The following HTR4 variants were observed in gnomAD, a reference collection of about 807,000 sequenced individuals.
HTR4 encodes 5-hydroxytryptamine receptor 4.
A neutral mutation model predicts 36.8 loss-of-function variants in HTR4; 16 were observed. That is an observed-to-expected ratio of 0.43 (90% confidence interval 0.29 to 0.66). The LOEUF is 0.66. Ranked by LOEUF, HTR4 falls within the 30% of genes least tolerant of loss-of-function variation. The pLI, the probability that HTR4 is intolerant of heterozygous loss-of-function variation, is 0.13. For missense variants in HTR4, 438 were observed against 490.9 expected (o/e 0.89, Z 1.02); for synonymous variants, 189 against 185.1 (o/e 1.02, Z -0.17).
chr5:148,451,138 C>A (rs1444322647), exon 6 of HTR4: 1 of 1,612,054 alleles, frequency 6.2e-7, no homozygotes, highest in East Asian at 2.2e-5. Flanking sequence ...CCTGTTCATG[C>A]AAACATGAAT....
At position 148,483,247 on chromosome 5, in the gene HTR4, G is replaced by A. The variant is rs1305061876; in HGVS notation, c.1123C>T (p.Pro375Ser). 7 of 1,614,004 alleles carry A rather than the reference G, an allele frequency of 4.3e-6. No homozygotes were observed. The highest frequency in any genetic ancestry group is 4.2e-6 in the Non-Finnish European group (5 of 1,179,958). ...GCAGCCACCAAAGGAGAAGTTGCTG[G>A]CGGGTGACACTGACTCTCCCACTGG... ...GGQWESQCHP[P>S]ATSPLVAAQP... Residue 375 changes from proline (P) to serine (S), a missense_variant, in exon 7 of 7, where the codon CCA (proline) becomes TCA (serine). Physicochemically the swap from Pro to Ser is moderately conservative, Grantham distance 74. Coordinates refer to ENST00000377888, the MANE Select transcript of HTR4 (RefSeq NM_000870.7).
intron 6 of HTR4, among the ~76,000 whole-genome samples, chr5:148,495,580 C>T (rs1195631767): frequency 1.3e-5 from 2 of 152,098 alleles, no homozygotes; most frequent in Non-Finnish European, 2.9e-5. Context: ...TGGTATTTGT[C>T]CAATGGACAA....
chr5:148,496,099 CA>C (rs1581380523), intron 6 of HTR4, among the ~76,000 whole-genome samples: 1 of 151,990 alleles, frequency 6.6e-6, no homozygotes, highest in South Asian at 2.1e-4. Context: ...GACTCCGCCT[CA>C]AAAAAAATTT....
At chr5:148,458,373 A>T (rs116164438) in intron 5 of HTR4, among the ~76,000 whole-genome samples, 261 of 151,856 alleles carry the variant, frequency 1.7e-3, no homozygotes, top group Non-Finnish European at 2.9e-3. Flanking sequence ...TTGATTGCTT[A>T]CAACAGTCCA....
intron 2 of HTR4, among the ~76,000 whole-genome samples, chr5:148,628,233 G>A (rs1481326804): frequency 6.6e-6 from 1 of 152,206 alleles, no homozygotes; most frequent in Admixed American, 6.5e-5. Context: ...AAGTTCAAAG[G>A]ATAGGCTCTG....
chr5:148,631,198 G>A (rs1753308915), intron 2 of HTR4, among the ~76,000 whole-genome samples: 1 of 152,108 alleles, frequency 6.6e-6, no homozygotes, highest in South Asian at 2.1e-4. Context: ...CATATTCACT[G>A]TATTCCTGAT....
intron 4 of HTR4, among the ~76,000 whole-genome samples, chr5:148,524,595 T>A (rs1250880098): frequency 1.3e-5 from 2 of 152,204 alleles, no homozygotes; most frequent in Non-Finnish European, 2.9e-5. Context: ...ACCTCTTCCA[T>A]GCCCAGGCAT....
At chr5:148,481,493 A>T (rs1274679653), downstream of HTR4, 92 of 1,367,596 alleles carry the variant, frequency 6.7e-5, no homozygotes, top group Non-Finnish European at 9.0e-5. Context: ...CTAAAACATG[A>T]CTTTCTCCCC....
At chr5:148,601,604 C>A (rs978276102) in intron 2 of HTR4, among the ~76,000 whole-genome samples, 3 of 152,134 alleles carry the variant, frequency 2.0e-5, no homozygotes, top group African/African-American at 7.2e-5. Flanking sequence ...AGTTAGAGAC[C>A]AGCCTGGGCA....
chr5:148,604,241 A>G (rs1752044684), intron 2 of HTR4, among the ~76,000 whole-genome samples: 1 of 152,188 alleles, frequency 6.6e-6, no homozygotes, highest in Non-Finnish European at 1.5e-5. Flanking sequence ...GGGAGAATAT[A>G]TTTGCAACAT....
intron 2 of HTR4, among the ~76,000 whole-genome samples, chr5:148,565,108 TAA>T (rs75435936): frequency 0.23 from 28,872 of 124,562 alleles, 3,454 homozygotes; most frequent in African/African-American, 0.36. Context: ...AGACTCCATC[TAA>T]AAAAAAAAAA....
chr5:148,491,249 C>T lies in HTR4; in HGVS notation c.1077-7956G>A, dbSNP rs78686298. Among the ~76,000 whole-genome samples, 35 of 152,194 alleles carry T rather than the reference C, an allele frequency of 2.3e-4. No homozygotes were observed. In the East Asian group the frequency reaches 6.4e-3, roughly 28 times the overall value. On this transcript the variant is annotated intron_variant, in intron 6 of 6. Transcript: ENST00000377888. ...AAGGGCTTATCTGCAAGGTTACTGC[C>T]GGTACTCTAACCACAGAAGTTCAGG...
chr5:148,472,368 T>C (rs545408618), downstream of HTR4, among the ~76,000 whole-genome samples: 6 of 152,302 alleles, frequency 3.9e-5, no homozygotes, highest in African/African-American at 1.4e-4. Flanking sequence ...ATTCCTGAGA[T>C]GGTTAATTAG....
At chr5:148,546,503 G>A (rs1260106818) in intron 4 of HTR4, among the ~76,000 whole-genome samples, 1 of 152,124 alleles carries the variant, frequency 6.6e-6, no homozygotes, top group East Asian at 1.9e-4. Context: ...ACCTACTCAG[G>A]AAAAGTTTCC....
chr5:148,580,054 A>G (rs1193492604), intron 2 of HTR4, among the ~76,000 whole-genome samples: 1 of 152,050 alleles, frequency 6.6e-6, no homozygotes, highest in African/African-American at 2.4e-5. Context: ...AGGGAGCAGG[A>G]TATCTTGGGG....
At chr5:148,571,612 G>A (rs1760681018) in intron 2 of HTR4, among the ~76,000 whole-genome samples, 1 of 152,014 alleles carries the variant, frequency 6.6e-6, no homozygotes, top group Admixed American at 6.6e-5. Flanking sequence ...GGGTGATTGA[G>A]AATTACTGGC....
At chr5:148,538,080 AC>A (rs1581443095) in intron 4 of HTR4, among the ~76,000 whole-genome samples, 1 of 152,206 alleles carries the variant, frequency 6.6e-6, no homozygotes, top group East Asian at 1.9e-4. Flanking sequence ...TTCAACATAC[AC>A]AAACCAACAA....
At chr5:148,640,252 C>T (rs531124926) in intron 1 of HTR4, among the ~76,000 whole-genome samples, 13 of 152,206 alleles carry the variant, frequency 8.5e-5, no homozygotes, top group Non-Finnish European at 1.6e-4. Flanking sequence ...CCATCTATTT[C>T]ATCTTTCTCT....
chr5:148,592,720 C>T (rs1037252226), intron 2 of HTR4, among the ~76,000 whole-genome samples: 1 of 151,726 alleles, frequency 6.6e-6, no homozygotes, highest in African/African-American at 2.4e-5. Flanking sequence ...ATTGCCTTTC[C>T]CCAATTCATC....
Sources: allele counts gnomAD v4.1 joint callset (sites outside exome capture counted in the v4.1 genomes callset), GRCh38; gene constraint gnomAD v4.1.1; transcripts MANE v1.5; gene names NCBI Gene and HGNC (gene_info 2026-07-23, HGNC 2026-07-21).